The following BMX variants were observed in gnomAD, a reference collection of about 807,000 sequenced individuals.
The protein encoded by BMX is BMX non-receptor tyrosine kinase, also known as cytoplasmic tyrosine-protein kinase BMX.
In BMX, 31 loss-of-function variants were observed where a neutral mutation model predicts 59.2. The ratio of observed to expected loss-of-function variants is 0.52; its 90% confidence interval spans 0.39 to 0.71. The LOEUF is 0.71. BMX is among the 30% of genes least tolerant of loss of function. BMX has a pLI of 0.00. For synonymous variants in BMX, 185 were observed against 181.0 expected, an observed-to-expected ratio of 1.02 and a Z score of -0.18; for missense variants, 474 against 491.7, an observed-to-expected ratio of 0.96 and a Z score of 0.34.
chrX:15,511,686 C>T (rs1186409154), intron 4 of BMX, among the ~76,000 whole-genome samples, 168 bp downstream of exon 4: 1 of 111,461 alleles, frequency 9.0e-6, no homozygotes, highest in African/African-American at 3.3e-5. Flanking sequence ...GACTCATCCT[C>T]ATTTTTGCTT....
At chrX:15,532,994 C>T (rs1445219958) in intron 11 of BMX, among the ~76,000 whole-genome samples, 1 of 112,279 alleles carries the variant, frequency 8.9e-6, no homozygotes, top group East Asian at 2.8e-4. Context: ...TTAAGGTAGC[C>T]AGGTAGATAA....
At chrX:15,555,133 T>G (rs1366360399) in intron 18 of BMX, among the ~76,000 whole-genome samples, 3 of 110,472 alleles carry the variant, frequency 2.7e-5, no homozygotes. Context: ...TGTATTTAGT[T>G]TGTATTTTAA....
At chrX:15,540,053 T>C (rs1015167601) in intron 14 of BMX, among the ~76,000 whole-genome samples, 15 of 111,861 alleles carry the variant, frequency 1.3e-4, no homozygotes, top group Admixed American at 1.3e-3. Context: ...ACCAGAAATA[T>C]CATTTGACCC....
At chrX:15,511,055 G>C (rs1050176457) in intron 3 of BMX, among the ~76,000 whole-genome samples, 1 of 111,917 alleles carries the variant, frequency 8.9e-6, no homozygotes, top group African/African-American at 3.2e-5. Context: ...TATTTTTAAA[G>C]ATAGAGCAGT....
In BMX at chrX:15,525,287, G is replaced by A. The variant is rs1390059171; in HGVS notation, c.753-1G>A. On this transcript the variant is annotated splice_acceptor_variant, in intron 7 of 18. Transcript: ENST00000348343. LOFTEE classifies it high-confidence loss of function. Reference sequence around the variant, plus strand: ...ACTTATAAAATGTCTCTTTTTTGCAGTAGCAGCAGCAGTGAAGATGTTGCA... The same window carrying A: ...ACTTATAAAATGTCTCTTTTTTGCAATAGCAGCAGCAGTGAAGATGTTGCA... 8.3e-7 allele frequency: 1 copy of A among 1,203,747 alleles called. No homozygotes were observed. Among genetic ancestry groups the A allele is most frequent in the East Asian group, 3.0e-5 (1 of 33,758 alleles).
chrX:15,527,211 A>C (rs865967772), intron 9 of BMX, among the ~76,000 whole-genome samples: 2,412 of 86,518 alleles, frequency 0.028, 223 homozygotes, highest in African/African-American at 0.11. Flanking sequence ...AAAAAAAAAA[A>C]AAAAAACAAC....
chrX:15,539,489 C>G (rs999541285), intron 14 of BMX, among the ~76,000 whole-genome samples: 6 of 111,318 alleles, frequency 5.4e-5, no homozygotes, highest in Non-Finnish European at 7.5e-5. Flanking sequence ...CATCACAAGC[C>G]TTCCCTCTGA....
Position 15,546,941 on chromosome X carries a change from C to T in BMX, c.1795+20C>T, listed in dbSNP as rs368012428. 1.4e-5 allele frequency: 16 copies of T among 1,139,752 alleles called. No individual in the cohort carries two copies. The highest frequency in any genetic ancestry group is 3.0e-5 in the East Asian group (1 of 33,072). 93.9% of individuals were successfully genotyped at this position (1,139,752 alleles called of 1,213,427 possible). A position where few individuals can be genotyped will look rare whatever the true frequency, so the allele number is the denominator to read the frequency against. ...CATTTGGTAAGGATGTGGCCACATA[C>T]GACCTGGCCCTGTTTCATAAGCTTA... On this transcript the variant is annotated intron_variant, in intron 17 of 18. Coordinates refer to ENST00000348343, the MANE Select transcript of BMX (RefSeq NM_203281.3).
At chrX:15,529,913 T>C (rs975327046) in intron 9 of BMX, 60 bp from the exon 10 acceptor site, 3 of 1,035,085 alleles carry the variant, frequency 2.9e-6, no homozygotes, top group African/African-American at 3.7e-5. Context: ...GAAAGTTGAG[T>C]GTCAAGCTAT....
At position 15,536,659 on chromosome X, in the gene BMX, A is replaced by G. The variant is rs1925366558; in HGVS notation, c.1222+232A>G. 3.6e-5 allele frequency among the ~76,000 whole-genome samples: 4 copies of G among 109,744 alleles called. No homozygotes were observed. In the Admixed American group the frequency reaches 3.9e-4, roughly 11 times the overall value. On this transcript the variant is annotated intron_variant, in intron 13 of 18. Coordinates refer to ENST00000348343, the MANE Select transcript of BMX (RefSeq NM_203281.3). ...GATCATCAATTTGTTTTCTTATCAG[A>G]CCCCATTATTAGCCTCCAGCACACC...
At chrX:15,550,141 G>A in intron 18 of BMX, 144 bp downstream of exon 18, 1 of 707,102 alleles carries the variant, frequency 1.4e-6, no homozygotes, top group Admixed American at 4.0e-5. Flanking sequence ...GCCCTAAAAT[G>A]TTTGTAATCT....
intron 4 of BMX, among the ~76,000 whole-genome samples, chrX:15,515,728 C>G (rs768532896): frequency 9.0e-6 from 1 of 110,821 alleles, no homozygotes; most frequent in African/African-American, 3.3e-5. Context: ...TTTTTTAGAA[C>G]CTTTTGCTAA....
chrX:15,530,268 A>T (rs759121705), intron 10 of BMX, among the ~76,000 whole-genome samples: 1 of 111,876 alleles, frequency 8.9e-6, no homozygotes, highest in African/African-American at 3.2e-5. Flanking sequence ...GGGATTTATG[A>T]TATCTCATGA....
rs780230726 is a variant in BMX, at chrX:15,537,207, G to C, written c.1296G>C (p.Gln432His). ...ELGSGQFGVVQLGKWKGQYDV... is the reference protein window; with the variant it reads ...ELGSGQFGVVHLGKWKGQYDV... Reference sequence around the variant, plus strand: ...GAAGTGGCCAGTTTGGAGTGGTCCAGCTGGGCAAGTGGAAGGGGCAGTATG... The same window carrying C: ...GAAGTGGCCAGTTTGGAGTGGTCCACCTGGGCAAGTGGAAGGGGCAGTATG... The change falls in exon 14 of 19, where the codon CAG becomes CAC. Residue 432 changes from glutamine (Q) to histidine (H), a missense_variant. Coordinates refer to ENST00000348343, the MANE Select transcript of BMX (RefSeq NM_203281.3). 2.5e-6 allele frequency: 3 copies of C among 1,210,850 alleles called. No homozygotes were observed. Among genetic ancestry groups the C allele is most frequent in the South Asian group, 3.5e-5 (2 of 56,928 alleles).
At chrX:15,553,601 T>C (rs1396649975) in intron 18 of BMX, among the ~76,000 whole-genome samples, 2 of 111,811 alleles carry the variant, frequency 1.8e-5, no homozygotes, top group African/African-American at 3.3e-5. Flanking sequence ...ATTGAGATTG[T>C]CCTTTTCCCT....
chrX:15,506,704 T>C (rs1451983963), intron 1 of BMX, among the ~76,000 whole-genome samples: 1 of 112,155 alleles, frequency 8.9e-6, no homozygotes, highest in Non-Finnish European at 1.9e-5. Context: ...CATGCTACTC[T>C]TACCTCCATA....
At chrX:15,532,559 ATCT>A (rs750535689) in intron 11 of BMX, among the ~76,000 whole-genome samples, 7 of 111,771 alleles carry the variant, frequency 6.3e-5, no homozygotes, top group African/African-American at 9.7e-5. Context: ...ATTGATTCGG[ATCT>A]TCTTTTAAAT....
chrX:15,522,432 G>A lies in BMX; in HGVS notation c.597G>A (p.Lys199=), dbSNP rs1475901028. 1 of 1,211,984 alleles carries A rather than the reference G, an allele frequency of 8.3e-7. No homozygotes were observed. The highest frequency in any genetic ancestry group is 1.8e-5 in the South Asian group (1 of 57,029). ...TTLAQYDNES[K]KNYGSQPPSS... ...TAGCCCAATATGACAACGAATCAAA[G>A]AAAAACTATGGCTCCCAGCCACCAT... is the stretch of plus-strand genomic sequence containing the variant. Residue 199 remains lysine (K), a synonymous_variant, in exon 7 of 19, where the codon AAG becomes AAA. Coordinates refer to ENST00000348343, the MANE Select transcript of BMX (RefSeq NM_203281.3).
intron 16 of BMX, among the ~76,000 whole-genome samples, chrX:15,545,156 T>G (rs1925887632): frequency 8.9e-6 from 1 of 112,276 alleles, no homozygotes; most frequent in South Asian, 3.7e-4. Flanking sequence ...CGTAAAGGTC[T>G]GCAGCAACTC....
Sources: gnomAD v4.1 joint callset for allele counts (sites outside exome capture counted in the v4.1 genomes callset) on GRCh38, gnomAD v4.1.1 for gene constraint, MANE v1.5 for transcripts, NCBI Gene and HGNC (gene_info 2026-07-23, HGNC 2026-07-21) for gene names.